The following TLL1 variants were observed in gnomAD, a reference collection of about 807,000 sequenced individuals.
TLL1 encodes tolloid-like protein 1.
In TLL1, 49 loss-of-function variants were observed where a neutral mutation model predicts 128.2. That is an observed-to-expected ratio of 0.38 (90% CI 0.30 to 0.48). The LOEUF is 0.48. Ranked by LOEUF, TLL1 falls within the 20% of genes least tolerant of loss-of-function variation. The pLI, the probability that TLL1 is intolerant of heterozygous loss-of-function variation, is 0.96. For missense variants in TLL1, 1,123 were observed against 1,242.0 expected, an observed-to-expected ratio of 0.90 and a Z score of 1.44; for synonymous variants, 454 against 418.8, an observed-to-expected ratio of 1.08 and a Z score of -1.03.
chr4:166,093,345 G>A (rs1490174650), intron 19 of TLL1, among the ~76,000 whole-genome samples: 2 of 152,156 alleles, frequency 1.3e-5, no homozygotes, highest in Admixed American at 1.3e-4. Flanking sequence ...AGGAATCTGT[G>A]TCACAATTAA....
intron 1 of TLL1, among the ~76,000 whole-genome samples, chr4:165,921,018 G>A (rs1400734337): frequency 6.6e-6 from 1 of 152,148 alleles, no homozygotes; most frequent in East Asian, 1.9e-4. Flanking sequence ...CATGCATTGG[G>A]AAGAGCGTGG....
chr4:166,008,195 A>G (rs1737526080), intron 7 of TLL1, 147 bp downstream of exon 7: 2 of 570,444 alleles, frequency 3.5e-6, no homozygotes, highest in African/African-American at 3.8e-5. Flanking sequence ...ATGAACATTT[A>G]TAGACAAGAG....
intron 1 of TLL1, among the ~76,000 whole-genome samples, chr4:165,960,840 C>T (rs1234849471): frequency 6.6e-6 from 1 of 152,024 alleles, no homozygotes; most frequent in Non-Finnish European, 1.5e-5. Flanking sequence ...CTGACAAACC[C>T]AGAGCCAACA....
intron 18 of TLL1, among the ~76,000 whole-genome samples, chr4:166,081,195 G>A (rs1195847287): frequency 1.3e-5 from 2 of 152,244 alleles, no homozygotes; most frequent in East Asian, 3.9e-4. Context: ...ACTTCCCCTA[G>A]GGGTAGTAGG....
chr4:166,091,840 T>A (rs149260872), intron 19 of TLL1, among the ~76,000 whole-genome samples: 2 of 152,202 alleles, frequency 1.3e-5, no homozygotes, highest in African/African-American at 4.8e-5. Context: ...TGCAACATGA[T>A]CTTTTGCCTA....
At chr4:165,937,694 T>C (rs1214935409) in intron 1 of TLL1, among the ~76,000 whole-genome samples, 2 of 152,132 alleles carry the variant, frequency 1.3e-5, no homozygotes, top group Non-Finnish European at 2.9e-5. Flanking sequence ...GTAGATTTCT[T>C]AAGAAGGACT....
At chr4:165,995,003 C>T in intron 4 of TLL1, 58 bp from the exon 5 acceptor site, 1 of 1,394,100 alleles carries the variant, frequency 7.2e-7, no homozygotes, top group Non-Finnish European at 1.0e-6. Flanking sequence ...GAGGATGCAG[C>T]AAGAAGCATT....
chr4:165,886,235 T>C (rs1292539314), intron 1 of TLL1, among the ~76,000 whole-genome samples: 1 of 152,178 alleles, frequency 6.6e-6, no homozygotes, highest in Non-Finnish European at 1.5e-5. Flanking sequence ...TGTTTAATTA[T>C]ATTATCTTGG....
intron 1 of TLL1, among the ~76,000 whole-genome samples, chr4:165,897,804 A>G (rs1284767926): frequency 6.6e-6 from 1 of 150,768 alleles, no homozygotes; most frequent in Non-Finnish European, 1.5e-5. Flanking sequence ...CATTGAGTCT[A>G]TAAATTACTT....
Position 165,989,480 on chromosome 4 carries a change from G to A in TLL1, c.269G>A (p.Gly90Glu), listed in dbSNP as rs527380265. ...DLTQNPFGNL[G>E]HTTGGLGDHA... ...ACGCAGAACCCCTTTGGAAACCTTG[G>A]ACATACCACAGGTATGGTTGATTGT... is the stretch of plus-strand genomic sequence containing the variant. The change falls in exon 2 of 21, where the codon GGA becomes GAA. Residue 90 changes from glycine (G) to glutamate (E), a missense_variant. Physicochemically the swap from Gly to Glu is moderately conservative, Grantham distance 98. Transcript: ENST00000061240. 3.1e-6 allele frequency: 5 copies of A among 1,610,674 alleles called. No homozygotes were observed. In the South Asian group the frequency reaches 5.5e-5, roughly 18 times the overall value.
intron 1 of TLL1, among the ~76,000 whole-genome samples, chr4:165,893,407 G>A (rs28594887): frequency 0.011 from 1,662 of 152,280 alleles, 37 homozygotes; most frequent in African/African-American, 0.035. Flanking sequence ...ATACAACAGC[G>A]TTGAGGAATC....
intron 7 of TLL1, among the ~76,000 whole-genome samples, chr4:166,010,235 G>T (rs1429730190): frequency 1.3e-5 from 2 of 151,338 alleles, no homozygotes; most frequent in Admixed American, 1.3e-4. Flanking sequence ...GTGAGCATTT[G>T]TGTAGCTTCT....
intron 1 of TLL1, among the ~76,000 whole-genome samples, chr4:165,904,945 T>C (rs749906853): frequency 2.0e-5 from 3 of 152,116 alleles, no homozygotes; most frequent in Non-Finnish European, 4.4e-5. Context: ...AAATGCAAAT[T>C]AAAGCCACAG....
At chr4:165,943,523 T>C (rs1734111829) in intron 1 of TLL1, among the ~76,000 whole-genome samples, 1 of 152,028 alleles carries the variant, frequency 6.6e-6, no homozygotes, top group Non-Finnish European at 1.5e-5. Flanking sequence ...AATGCTTCCT[T>C]GAAATAAAAC....
intron 1 of TLL1, among the ~76,000 whole-genome samples, chr4:165,899,733 C>A (rs1438514919): frequency 6.6e-6 from 1 of 152,146 alleles, no homozygotes; most frequent in East Asian, 1.9e-4. Context: ...AGATGTCTAT[C>A]AGGTCCACTT....
intron 18 of TLL1, among the ~76,000 whole-genome samples, chr4:166,078,403 G>A (rs566047836): frequency 5.3e-5 from 8 of 152,200 alleles, no homozygotes; most frequent in East Asian, 1.9e-4. Context: ...ACTTAAACCC[G>A]GCATAACATA....
chr4:165,917,806 A>G (rs1732854328), intron 1 of TLL1, among the ~76,000 whole-genome samples: 1 of 152,156 alleles, frequency 6.6e-6, no homozygotes, highest in African/African-American at 2.4e-5. Context: ...GGCATTGATT[A>G]CTGCTTTTCA....
chr4:165,883,449 C>T (rs1214574540), intron 1 of TLL1, among the ~76,000 whole-genome samples: 1 of 152,098 alleles, frequency 6.6e-6, no homozygotes, highest in Non-Finnish European at 1.5e-5. Context: ...ACTAAACCCC[C>T]CACATAATAA....
intron 1 of TLL1, among the ~76,000 whole-genome samples, chr4:165,947,421 C>A (rs1222709247): frequency 6.6e-6 from 1 of 152,004 alleles, no homozygotes; most frequent in Non-Finnish European, 1.5e-5. Context: ...CTGGCTTCTT[C>A]TTGCAGCTTA....
Sources: allele counts gnomAD v4.1 joint callset (sites outside exome capture counted in the v4.1 genomes callset), GRCh38; gene constraint gnomAD v4.1.1; transcripts MANE v1.5; gene names NCBI Gene and HGNC (gene_info 2026-07-23, HGNC 2026-07-21).